KLHDC1: variants seen among roughly 807,000 people sequenced by gnomAD.
KLHDC1 encodes kelch domain containing 1, also known as kelch domain-containing protein 1.
A neutral mutation model predicts 68.3 loss-of-function variants in KLHDC1; 53 were observed. The ratio of observed to expected loss-of-function variants is 0.78; its 90% CI spans 0.62 to 0.98. The LOEUF (loss-of-function observed/expected upper bound fraction) is 0.98, where lower values mean the gene tolerates loss of function less well. Among genes scored for constraint, KLHDC1 ranks in the 50% least tolerant of loss-of-function variants. The pLI is 0.00. For missense variants in KLHDC1, 470 were observed against 492.3 expected (o/e 0.95, Z 0.43); for synonymous variants, 148 against 159.0 (o/e 0.93, Z 0.52).
intron 1 of KLHDC1, among the ~76,000 whole-genome samples, chr14:49,696,938 C>CTT (rs763606965): frequency 3.6e-5 from 5 of 139,574 alleles, no homozygotes; most frequent in East Asian, 2.1e-4. Flanking sequence ...GGCCTACTTT[C>CTT]TTTTTTTTTT....
At chr14:49,701,283 A>G (rs1887897727) in intron 1 of KLHDC1, among the ~76,000 whole-genome samples, 2 of 152,190 alleles carry the variant, frequency 1.3e-5, no homozygotes, top group Admixed American at 6.6e-5. Context: ...ATTAAGCTAT[A>G]TAATACTGGA....
intron 1 of KLHDC1, among the ~76,000 whole-genome samples, chr14:49,705,195 A>G (rs1173934758): frequency 6.6e-6 from 1 of 152,092 alleles, no homozygotes; most frequent in Non-Finnish European, 1.5e-5. Flanking sequence ...GGAGATGTTT[A>G]AGTACTGAAG....
intron 1 of KLHDC1, among the ~76,000 whole-genome samples, chr14:49,695,115 G>GTGTGTGT (rs753979963): frequency 8.7e-5 from 2 of 22,924 alleles, no homozygotes; most frequent in African/African-American, 1.3e-4. Flanking sequence ...ATGCAGTTTT[G>GTGTGTGT]ATGTGTGTGT....
intron 12 of KLHDC1, among the ~76,000 whole-genome samples, chr14:49,745,443 C>T (rs1033955176): frequency 6.6e-6 from 1 of 152,160 alleles, no homozygotes; most frequent in African/African-American, 2.4e-5. Context: ...GGCACTGTGC[C>T]ATGAAATAAG....
chr14:49,699,862 T>C (rs1158806424), intron 1 of KLHDC1, among the ~76,000 whole-genome samples: 1 of 152,190 alleles, frequency 6.6e-6, no homozygotes, highest in Non-Finnish European at 1.5e-5. Context: ...ACACAGACTT[T>C]GGTGCTACTG....
chr14:49,703,355 T>C lies in KLHDC1; in HGVS notation c.97-5804T>C, dbSNP rs180991276. ...GTTTTCTTTCATGAATTTTTTTTTT[T>C]TTTTGAGACAGAGTTTCGCTCCTGT... On this transcript the variant is annotated intron_variant, in intron 1 of 12. Transcript: ENST00000359332. Among the ~76,000 whole-genome samples, 9 of 152,160 alleles carry C rather than the reference T, an allele frequency of 5.9e-5. No individual in the cohort carries two copies. In the South Asian group the frequency reaches 6.2e-4, roughly 11 times the overall value.
At chr14:49,751,402 C>G (rs1168991083) in intron 12 of KLHDC1, among the ~76,000 whole-genome samples, 184 bp from the exon 13 acceptor site, 1 of 151,848 alleles carries the variant, frequency 6.6e-6, no homozygotes, top group Non-Finnish European at 1.5e-5. Context: ...CTGTCTGTAT[C>G]AAAACATCTC....
intron 11 of KLHDC1, 142 bp downstream of exon 11, chr14:49,740,324 A>C (rs1050811117): frequency 1.7e-6 from 1 of 577,440 alleles, no homozygotes; most frequent in African/African-American, 1.9e-5. Flanking sequence ...ATTAATCTTC[A>C]GGATGACTGG....
intron 4 of KLHDC1, among the ~76,000 whole-genome samples, chr14:49,714,947 TTTA>T (rs1888331533): frequency 6.8e-6 from 1 of 147,438 alleles, no homozygotes; most frequent in Admixed American, 6.8e-5. Flanking sequence ...ACATATATAC[TTTA>T]TTTTCATATA....
At chr14:49,727,441 C>A (rs1320690439) in intron 6 of KLHDC1, among the ~76,000 whole-genome samples, 1 of 151,968 alleles carries the variant, frequency 6.6e-6, no homozygotes, top group Non-Finnish European at 1.5e-5. Context: ...CTAAGCAGGT[C>A]GTATATGCAC....
chr14:49,702,712 A>G (rs967134036), intron 1 of KLHDC1, among the ~76,000 whole-genome samples: 1 of 152,246 alleles, frequency 6.6e-6, no homozygotes, highest in Non-Finnish European at 1.5e-5. Flanking sequence ...CCCAATAAAA[A>G]TACCTGAAAG....
intron 11 of KLHDC1, among the ~76,000 whole-genome samples, chr14:49,742,524 T>G (rs1889088247): frequency 6.6e-6 from 1 of 151,924 alleles, no homozygotes; most frequent in Admixed American, 6.6e-5. Context: ...TTACAAAAAT[T>G]AGCCAGGATG....
In KLHDC1 at chr14:49,693,437, C is replaced by T. The variant is rs745326995; in HGVS notation, c.96+147C>T. The T allele has an allele frequency of 4.6e-4, 187 of 406,910 alleles. 1 individual carries two copies. Among genetic ancestry groups the T allele is most frequent in the South Asian group, 1.7e-3 (14 of 8,072 alleles). The allele number at this position is 406,910 out of a possible 1,614,324, so 25.2% of individuals were successfully genotyped here. A position where few individuals can be genotyped will look rare whatever the true frequency, so the allele number is the denominator to read the frequency against. Reference sequence around the variant, plus strand: ...AGCCCCCCAGCCCCTCCGCTGGCCGCCGCCCCCACAGCCGCGCCAGGGCTT... The same window carrying T: ...AGCCCCCCAGCCCCTCCGCTGGCCGTCGCCCCCACAGCCGCGCCAGGGCTT... On this transcript the variant is annotated intron_variant, in intron 1 of 12. Transcript: ENST00000359332.
intron 4 of KLHDC1, among the ~76,000 whole-genome samples, chr14:49,721,211 TCA>T (rs1888516505): frequency 6.6e-6 from 1 of 152,186 alleles, no homozygotes; most frequent in Non-Finnish European, 1.5e-5. Context: ...GGTCTCACTC[TCA>T]CTCAGGCTGG....
intron 10 of KLHDC1, among the ~76,000 whole-genome samples, chr14:49,739,326 AC>A (rs1889005134): frequency 6.6e-6 from 1 of 152,204 alleles, no homozygotes; most frequent in Admixed American, 6.5e-5. Context: ...GGAAAAAGAA[AC>A]TGGTTGATCA....
intron 1 of KLHDC1, among the ~76,000 whole-genome samples, chr14:49,694,662 T>C (rs1006898194): frequency 6.6e-6 from 1 of 152,148 alleles, no homozygotes; most frequent in Non-Finnish European, 1.5e-5. Context: ...GAGACCAGCC[T>C]GGCCAACATG....
chr14:49,726,337 C>T (rs780309966), intron 6 of KLHDC1, among the ~76,000 whole-genome samples: 15 of 152,176 alleles, frequency 9.9e-5, no homozygotes, highest in Non-Finnish European at 2.2e-4. Context: ...GCTACAATCA[C>T]ATCTGTGAAT....
intron 1 of KLHDC1, among the ~76,000 whole-genome samples, chr14:49,707,439 C>T (rs1443306999): frequency 6.7e-6 from 1 of 148,870 alleles, no homozygotes; most frequent in Admixed American, 6.7e-5. Flanking sequence ...CCTCCACCTC[C>T]GGGGTTCAAG....
chr14:49,706,625 A>G (rs1277003197), intron 1 of KLHDC1, among the ~76,000 whole-genome samples: 1 of 152,088 alleles, frequency 6.6e-6, no homozygotes, highest in Non-Finnish European at 1.5e-5. Flanking sequence ...CCTTTTCTTC[A>G]CTTCCTTGCC....
Sources: allele counts gnomAD v4.1 joint callset (sites outside exome capture counted in the v4.1 genomes callset), GRCh38; gene constraint gnomAD v4.1.1; transcripts MANE v1.5; gene names NCBI Gene and HGNC (gene_info 2026-07-23, HGNC 2026-07-21).